MCTP2: variants seen among roughly 807,000 people sequenced by gnomAD.
MCTP2 encodes multiple C2 and transmembrane domain containing 2.
MCTP2 carries 132 observed loss-of-function variants against 111.6 expected under a neutral mutation model. The ratio of observed to expected loss-of-function variants is 1.18; its 90% CI spans 1.03 to 1.37. The LOEUF is 1.37. Ranked by LOEUF, MCTP2 falls within the 40% of genes most tolerant of loss-of-function variation. The pLI, the probability that MCTP2 is intolerant of heterozygous loss-of-function variation, is 0.00. For synonymous variants in MCTP2, 395 were observed against 387.7 expected (o/e 1.02, Z -0.22); for missense variants, 1,183 against 1,067.9 (o/e 1.11, Z -1.50).
At chr15:94,390,084 A>ATATG (rs2080826165) in intron 14 of MCTP2, among the ~76,000 whole-genome samples, 1 of 19,336 alleles carries the variant, frequency 5.2e-5, no homozygotes, top group African/African-American at 1.9e-4. Context: ...ATATATATAT[A>ATATG]TATATGTATA....
intron 19 of MCTP2, among the ~76,000 whole-genome samples, chr15:94,451,780 A>G (rs1185160169): frequency 6.6e-6 from 1 of 152,182 alleles, no homozygotes; most frequent in Admixed American, 6.5e-5. Flanking sequence ...TCTTTCATAC[A>G]ACTCAGGGCA....
At chr15:94,440,980 CA>C (rs1031597008) in intron 18 of MCTP2, among the ~76,000 whole-genome samples, 1 of 152,092 alleles carries the variant, frequency 6.6e-6, no homozygotes, top group Non-Finnish European at 1.5e-5. Context: ...TCTAGGTGGC[CA>C]GGAACTTGTA....
At chr15:94,410,448 A>G (rs1382132552) in intron 17 of MCTP2, among the ~76,000 whole-genome samples, 4 of 152,152 alleles carry the variant, frequency 2.6e-5, no homozygotes, top group African/African-American at 9.7e-5. Context: ...GTTCATGTCA[A>G]AAATAGATGG....
chr15:94,237,035 T>C (rs1286199218), intron 1 of MCTP2, among the ~76,000 whole-genome samples: 1 of 152,112 alleles, frequency 6.6e-6, no homozygotes, highest in Non-Finnish European at 1.5e-5. Context: ...AAGTCAGTAT[T>C]GGAGGAGGAG....
chr15:94,351,550 C>T (rs760963868), intron 8 of MCTP2, among the ~76,000 whole-genome samples: 2 of 151,982 alleles, frequency 1.3e-5, no homozygotes, highest in Admixed American at 1.3e-4. Flanking sequence ...CCCATAATGA[C>T]TTAGGAAAAA....
intron 1 of MCTP2, among the ~76,000 whole-genome samples, chr15:94,277,980 C>T (rs748573670): frequency 5.3e-5 from 8 of 152,166 alleles, no homozygotes; most frequent in Non-Finnish European, 8.8e-5. Context: ...ACTTTCTACA[C>T]GATGTCTTTG....
intron 1 of MCTP2, among the ~76,000 whole-genome samples, chr15:94,278,923 G>A (rs76520932): frequency 0.022 from 3,378 of 152,100 alleles, 120 homozygotes; most frequent in African/African-American, 0.076. Flanking sequence ...GCTTGTTATT[G>A]TCGAAGTTTG....
At chr15:94,422,760 T>C (rs2082685046) in intron 17 of MCTP2, among the ~76,000 whole-genome samples, 1 of 152,234 alleles carries the variant, frequency 6.6e-6, no homozygotes, top group Admixed American at 6.6e-5. Context: ...TGTTGGATAT[T>C]TTACCATCTC....
chr15:94,350,549 G>A (rs1213578026), intron 8 of MCTP2, among the ~76,000 whole-genome samples: 3 of 151,912 alleles, frequency 2.0e-5, no homozygotes, highest in African/African-American at 7.3e-5. Context: ...CAGCCTGAGT[G>A]ACAGAGCGAG....
chr15:94,370,244 G>A (rs1567550081), intron 12 of MCTP2, 64 bp downstream of exon 12: 2 of 1,335,414 alleles, frequency 1.5e-6, no homozygotes, highest in African/African-American at 1.5e-5. Flanking sequence ...CAATCTCCTG[G>A]CAAAGCAAAA....
intron 17 of MCTP2, among the ~76,000 whole-genome samples, chr15:94,421,435 A>G (rs781598452): frequency 2.0e-4 from 30 of 152,224 alleles, no homozygotes; most frequent in Non-Finnish European, 4.4e-4. Flanking sequence ...CAAATGTATT[A>G]TCTTACAGTG....
At chr15:94,476,581 CTAGATAGATAGATGATTGACTGACAGA>C (rs1280029211) in intron 21 of MCTP2, 88 bp from the exon 22 acceptor site, 4 of 679,376 alleles carry the variant, frequency 5.9e-6, no homozygotes, top group East Asian at 2.8e-5. Flanking sequence ...AAGATAGATG[CTAGATAGATAGATGATTGACTGACAGA>C]TAGATAGATA....
At chr15:94,244,258 A>T (rs1396899661) in intron 1 of MCTP2, among the ~76,000 whole-genome samples, 1 of 139,376 alleles carries the variant, frequency 7.2e-6, no homozygotes, top group Non-Finnish European at 1.6e-5. Context: ...ACATATGTGT[A>T]TATATTTATA....
intron 8 of MCTP2, 87 bp from the exon 9 acceptor site, chr15:94,356,050 T>C (rs915180434): frequency 6.4e-6 from 9 of 1,409,936 alleles, no homozygotes; most frequent in Non-Finnish European, 7.4e-6. Flanking sequence ...TATAATTAAA[T>C]ACTGAAAGTT....
chr15:94,432,744 CAG>C (rs1242153156), intron 17 of MCTP2, among the ~76,000 whole-genome samples: 2 of 152,128 alleles, frequency 1.3e-5, no homozygotes, highest in Non-Finnish European at 2.9e-5. Context: ...GAGAATTATT[CAG>C]AGACTCAGCT....
At chr15:94,257,220 G>T (rs1124962) in intron 1 of MCTP2, among the ~76,000 whole-genome samples, 5,860 of 152,094 alleles carry the variant, frequency 0.039, 220 homozygotes, top group East Asian at 0.12. Flanking sequence ...CTGCTCACAT[G>T]CTCCCTCATC....
Position 94,402,020 on chromosome 15 carries a change from G to A in MCTP2, c.2085+1G>A, listed in dbSNP as rs1481340757. 3 of 1,608,682 alleles carry A rather than the reference G, an allele frequency of 1.9e-6. No individual in the cohort carries two copies. Among genetic ancestry groups the A allele is most frequent in the Non-Finnish European group, 1.7e-6 (2 of 1,178,372 alleles). On this transcript the variant is annotated splice_donor_variant, in intron 17 of 22. Transcript: ENST00000357742. LOFTEE classifies it high-confidence loss of function. ...ATTAAGAAGTACAATAGCATTCGCG[G>A]TAAGCTTCCTTTCTTATGTTCAAAC...
intron 1 of MCTP2, among the ~76,000 whole-genome samples, chr15:94,245,680 A>G (rs887111534): frequency 2.1e-5 from 3 of 146,210 alleles, no homozygotes; most frequent in South Asian, 2.1e-4. Flanking sequence ...ATACATATGT[A>G]TGTGTATACA....
chr15:94,345,005 C>G (rs1472775411), intron 7 of MCTP2, 124 bp from the exon 8 acceptor site: 5 of 1,121,070 alleles, frequency 4.5e-6, no homozygotes, highest in Non-Finnish European at 6.5e-6. Flanking sequence ...AACCTCAGAA[C>G]TTGGATATTA....
Sources: allele counts gnomAD v4.1 joint callset (sites outside exome capture counted in the v4.1 genomes callset), GRCh38; gene constraint gnomAD v4.1.1; transcripts MANE v1.5; gene names NCBI Gene and HGNC (gene_info 2026-07-23, HGNC 2026-07-21).